Variants in ADAMTSL1 observed in about 807,000 individuals in gnomAD.
The protein encoded by ADAMTSL1 is ADAMTS like 1, also known as ADAMTS-like protein 1.
Under a neutral mutation model 201.8 loss-of-function variants are expected in ADAMTSL1, and 126 were observed. The observed-to-expected ratio is 0.62, with a 90% CI of 0.54 to 0.72. ADAMTSL1 has a LOEUF of 0.72. Among genes scored for constraint, ADAMTSL1 ranks in the 30% least tolerant of loss-of-function variants. The pLI, the probability that ADAMTSL1 is intolerant of heterozygous loss-of-function variation, is 0.00. For missense variants in ADAMTSL1, 2,679 were observed against 2,277.8 expected, an observed-to-expected ratio of 1.18 and a Z score of -3.59; for synonymous variants, 1,121 against 903.4, an observed-to-expected ratio of 1.24 and a Z score of -4.32.
intron 2 of ADAMTSL1, among the ~76,000 whole-genome samples, chr9:18,384,737 T>C (rs17792298): frequency 0.024 from 3,623 of 152,250 alleles, 68 homozygotes; most frequent in Non-Finnish European, 0.034. Context: ...CTCCCTTTCC[T>C]TGACATTCCT....
chr9:18,173,008 G>A (rs1284925057), intron 2 of ADAMTSL1, among the ~76,000 whole-genome samples: 1 of 151,910 alleles, frequency 6.6e-6, no homozygotes, highest in African/African-American at 2.4e-5. Context: ...AATTGGGTTG[G>A]GATGCTATGC....
chr9:18,869,112 G>T (rs868015017), intron 23 of ADAMTSL1, among the ~76,000 whole-genome samples: 1 of 152,210 alleles, frequency 6.6e-6, no homozygotes, highest in East Asian at 1.9e-4. Context: ...AGAGCAGAGT[G>T]ATGCATCTGC....
At chr9:17,997,079 G>A (rs1045782402) in intron 1 of ADAMTSL1, among the ~76,000 whole-genome samples, 6 of 152,082 alleles carry the variant, frequency 3.9e-5, no homozygotes, top group Non-Finnish European at 7.4e-5. Flanking sequence ...GGGCAGTTCT[G>A]TATTCCATTG....
At chr9:18,737,431 T>C (rs1206749227) in intron 15 of ADAMTSL1, among the ~76,000 whole-genome samples, 1 of 151,562 alleles carries the variant, frequency 6.6e-6, no homozygotes, top group Non-Finnish European at 1.5e-5. Flanking sequence ...AGTGAGTCCA[T>C]GATCTTCAAG....
intron 2 of ADAMTSL1, among the ~76,000 whole-genome samples, chr9:18,252,696 C>G (rs1831511421): frequency 6.6e-6 from 1 of 152,142 alleles, no homozygotes; most frequent in Admixed American, 6.5e-5. Flanking sequence ...GGGGTGCTGA[C>G]TGTATTTTAA....
At chr9:18,151,726 A>T (rs1187238283) in intron 1 of ADAMTSL1, among the ~76,000 whole-genome samples, 1 of 152,068 alleles carries the variant, frequency 6.6e-6, no homozygotes, top group African/African-American at 2.4e-5. Context: ...TGGCCACAAG[A>T]CACATGGCCC....
At chr9:18,014,559 T>G (rs776727915) in intron 1 of ADAMTSL1, among the ~76,000 whole-genome samples, 1 of 152,108 alleles carries the variant, frequency 6.6e-6, no homozygotes, top group Non-Finnish European at 1.5e-5. Flanking sequence ...CTGAAACAGT[T>G]TTAACGCAAG....
At chr9:18,828,660 T>TTTATA (rs10685537) in intron 22 of ADAMTSL1, among the ~76,000 whole-genome samples, 806 of 28,420 alleles carry the variant, frequency 0.028, 22 homozygotes, top group South Asian at 0.062. Context: ...GAAAGTATAT[T>TTTATA]TATATATATA....
chr9:18,890,573 T>TGAAAC (rs1329649829), intron 25 of ADAMTSL1: 6 of 456,040 alleles, frequency 1.3e-5, no homozygotes, highest in South Asian at 9.3e-5. Flanking sequence ...AAGGAGCAGC[T>TGAAAC]GAAACCAGGA....
chr9:18,305,094 A>G (rs1163801947), intron 2 of ADAMTSL1, among the ~76,000 whole-genome samples: 1 of 152,124 alleles, frequency 6.6e-6, no homozygotes, highest in Non-Finnish European at 1.5e-5. Context: ...TCACCGGGAA[A>G]GTACAAGTGG....
At position 18,277,197 on chromosome 9, in the gene ADAMTSL1, G is replaced by C. The variant is rs542458616; in HGVS notation, c.207+113216G>C. 2.6e-5 allele frequency among the ~76,000 whole-genome samples: 4 copies of C among 152,222 alleles called. No individual in the cohort carries two copies. The South Asian group carries it at 8.3e-4, about 32-fold the overall frequency. ...CCTGCATAATGTTCTTTGTTCACTTGAAAATAATATGTATTCTGCTGCTGT... is the reference window on the plus strand; with the variant it reads ...CCTGCATAATGTTCTTTGTTCACTTCAAAATAATATGTATTCTGCTGCTGT... On this transcript the variant is annotated intron_variant, in intron 2 of 29. Transcript: ENST00000680146.
At chr9:18,577,276 C>T (rs984335871) in intron 4 of ADAMTSL1, among the ~76,000 whole-genome samples, 9 of 152,144 alleles carry the variant, frequency 5.9e-5, no homozygotes, top group Non-Finnish European at 1.2e-4. Flanking sequence ...ACTCGAGGTC[C>T]GGAGTTTGAG....
chr9:18,825,118 T>C (rs1316730413), intron 21 of ADAMTSL1, among the ~76,000 whole-genome samples: 2 of 152,092 alleles, frequency 1.3e-5, no homozygotes, highest in Non-Finnish European at 2.9e-5. Flanking sequence ...TAGAGACCTG[T>C]GAATCCGTGC....
chr9:18,380,172 C>T (rs1367252108), intron 2 of ADAMTSL1, among the ~76,000 whole-genome samples: 1 of 152,268 alleles, frequency 6.6e-6, no homozygotes, highest in East Asian at 1.9e-4. Flanking sequence ...CTTATGCATT[C>T]CCTAAGCTTT....
chr9:18,420,865 G>A (rs184735657), intron 2 of ADAMTSL1, among the ~76,000 whole-genome samples: 6 of 152,310 alleles, frequency 3.9e-5, no homozygotes, highest in African/African-American at 9.6e-5. Flanking sequence ...GAATGGTAAT[G>A]GGTGCCTAGA....
intron 2 of ADAMTSL1, among the ~76,000 whole-genome samples, chr9:18,467,594 G>A (rs116826708): frequency 0.01 from 1,551 of 152,256 alleles, 33 homozygotes; most frequent in African/African-American, 0.035. Flanking sequence ...AAAAATTGCA[G>A]TTAGCAGAAG....
At chr9:18,282,221 G>T (rs546461637) in intron 2 of ADAMTSL1, among the ~76,000 whole-genome samples, 1 of 152,222 alleles carries the variant, frequency 6.6e-6, no homozygotes, top group South Asian at 2.1e-4. Flanking sequence ...TGATCCATCC[G>T]TGTTGCTGCA....
intron 14 of ADAMTSL1, among the ~76,000 whole-genome samples, chr9:18,708,672 C>T (rs1180397642): frequency 2.0e-5 from 3 of 152,162 alleles, no homozygotes; most frequent in Non-Finnish European, 4.4e-5. Flanking sequence ...GCTTTCATCC[C>T]CAATTTCCAT....
chr9:18,805,027 C>T (rs1297562290), intron 20 of ADAMTSL1, among the ~76,000 whole-genome samples: 1 of 152,204 alleles, frequency 6.6e-6, no homozygotes, highest in Non-Finnish European at 1.5e-5. Context: ...TAGTAGACAT[C>T]ACTGTCTTTT....
Sources: gnomAD v4.1 joint callset for allele counts (sites outside exome capture counted in the v4.1 genomes callset) on GRCh38, gnomAD v4.1.1 for gene constraint, MANE v1.5 for transcripts, NCBI Gene and HGNC (gene_info 2026-07-23, HGNC 2026-07-21) for gene names.